MMP26: variants seen among roughly 807,000 people sequenced by gnomAD.
MMP26 encodes matrix metalloproteinase-26.
Under a neutral mutation model 31.0 loss-of-function variants are expected in MMP26, and 33 were observed. That is an observed-to-expected ratio of 1.06 (90% confidence interval 0.81 to 1.42). The LOEUF is 1.42. MMP26 is among the 40% of genes most tolerant of loss of function. The probability of loss-of-function intolerance (pLI) is 0.00; values close to 1 mark genes in which losing one functional copy is unlikely to be tolerated. For synonymous variants in MMP26, 122 were observed against 114.9 expected (o/e 1.06, Z -0.40); for missense variants, 347 against 316.1 (o/e 1.10, Z -0.74).
intron 2 of MMP26, among the ~76,000 whole-genome samples, chr11:4,860,780 AT>A (rs748626710): frequency 8.5e-5 from 13 of 152,132 alleles, no homozygotes; most frequent in South Asian, 2.1e-4. Flanking sequence ...TTCTCTTGGA[AT>A]AAATTTCTTT....
At chr11:4,800,517 TG>T (rs2133451111) in intron 2 of MMP26, among the ~76,000 whole-genome samples, 1 of 152,304 alleles carries the variant, frequency 6.6e-6, no homozygotes, top group South Asian at 2.1e-4. Flanking sequence ...TGTGGTGGGA[TG>T]GACTACCTCA....
In MMP26 at chr11:4,942,089, CAA is replaced by C. The variant is rs201626472; in HGVS notation, c.-144-45959_-144-45958del. On this transcript the variant is annotated intron_variant, in intron 2 of 7. Coordinates refer to ENST00000380390, the MANE Select transcript of MMP26 (RefSeq NM_021801.5). ...TGGGCAGCAGAATGAGAGTCCATCT[CAA>C]AAAAAAAAAAAAAAAAAAAGGAAGT... Among the ~76,000 whole-genome samples the C allele has an allele frequency of 4.6e-4, 17 of 37,130 alleles. 1 individual carries two copies. Among genetic ancestry groups the C allele is most frequent in the Admixed American group, 1.6e-3 (6 of 3,670 alleles). The allele number at this position is 37,130 out of a possible 152,430, so 24.4% of individuals were successfully genotyped here. A position where few individuals can be genotyped will look rare whatever the true frequency, so the allele number is the denominator to read the frequency against.
chr11:4,860,207 T>A, intron 2 of MMP26: 1 of 471,092 alleles, frequency 2.1e-6, no homozygotes, highest in Non-Finnish European at 4.4e-6. Flanking sequence ...TCAAAGGCCA[T>A]GGACACTAGG....
At chr11:4,975,583 TA>T (rs1846726128) in intron 2 of MMP26, among the ~76,000 whole-genome samples, 1 of 152,108 alleles carries the variant, frequency 6.6e-6, no homozygotes, top group South Asian at 2.1e-4. Context: ...TATTTAATGT[TA>T]AAATTGTTAA....
At chr11:4,990,859 T>A in intron 5 of MMP26, 113 bp downstream of exon 5, 1 of 1,194,356 alleles carries the variant, frequency 8.4e-7, no homozygotes, top group Non-Finnish European at 1.2e-6. Flanking sequence ...AGAAAAAAAG[T>A]CTGACAAAAC....
At chr11:4,735,263 G>A (rs910511893) in intron 1 of MMP26, among the ~76,000 whole-genome samples, 25 of 152,208 alleles carry the variant, frequency 1.6e-4, no homozygotes, top group African/African-American at 6.0e-4. Context: ...TTGACTATAT[G>A]CCCTTAGAGC....
chr11:4,852,874 A>G (rs1849995481), intron 2 of MMP26, among the ~76,000 whole-genome samples: 1 of 152,218 alleles, frequency 6.6e-6, no homozygotes, highest in Non-Finnish European at 1.5e-5. Flanking sequence ...TCAGCCTTAA[A>G]AAAGAAAAAC....
chr11:4,739,897 A>AT (rs1358117489), intron 1 of MMP26, among the ~76,000 whole-genome samples: 21 of 152,100 alleles, frequency 1.4e-4, no homozygotes, highest in Admixed American at 1.1e-3. Context: ...GATAATCTCC[A>AT]TTTTTTTATT....
intron 2 of MMP26, chr11:4,804,663 G>T: frequency 2.0e-6 from 1 of 504,210 alleles, no homozygotes; most frequent in Non-Finnish European, 3.9e-6. Context: ...TATTTTTCTT[G>T]ACCAGGTGTG....
intron 2 of MMP26, chr11:4,919,067 A>G (rs555159557): frequency 1.3e-5 from 2 of 152,342 alleles, no homozygotes; most frequent in South Asian, 4.1e-4. Flanking sequence ...TCTGGGCAAG[A>G]AAACAAGGAA....
rs544665751 is a variant in MMP26 at position 4,925,691 on chromosome 11, A to G, written c.-144-62377A>G. On this transcript the variant is annotated intron_variant, in intron 2 of 7. Transcript: ENST00000380390. Reference sequence around the variant, plus strand: ...TCATAATGTTAAAACTAGAAAGGGGACAGAGAATGGAGAATCAGAGAAATA... The same window carrying G: ...TCATAATGTTAAAACTAGAAAGGGGGCAGAGAATGGAGAATCAGAGAAATA... Among the ~76,000 whole-genome samples the G allele has an allele frequency of 2.0e-5, 3 of 152,066 alleles. No homozygotes were observed. The South Asian group carries it at 6.2e-4, about 32-fold the overall frequency.
At chr11:4,797,237 C>A (rs917379581) in intron 2 of MMP26, among the ~76,000 whole-genome samples, 1 of 152,092 alleles carries the variant, frequency 6.6e-6, no homozygotes, top group African/African-American at 2.4e-5. Flanking sequence ...CACATTGAAG[C>A]ATTCAATGAA....
At position 4,810,038 on chromosome 11, in the gene MMP26, T is replaced by G. The variant is rs575837398; in HGVS notation, c.-145+42697T>G. On this transcript the variant is annotated intron_variant, in intron 2 of 7. Coordinates refer to ENST00000380390, the MANE Select transcript of MMP26 (RefSeq NM_021801.5). ...CGTTTCCGACCTTTAAGTATTAGTTTTCTCACTCCCCTGATTTCCAGTGCC... is the reference window on the plus strand; with the variant it reads ...CGTTTCCGACCTTTAAGTATTAGTTGTCTCACTCCCCTGATTTCCAGTGCC... Among the ~76,000 whole-genome samples, 4 of 152,310 alleles carry G rather than the reference T, an allele frequency of 2.6e-5. No individual in the cohort carries two copies. The South Asian group carries it at 8.3e-4, about 32-fold the overall frequency.
At chr11:4,918,245 T>C (rs533974069) in intron 2 of MMP26, among the ~76,000 whole-genome samples, 1 of 152,180 alleles carries the variant, frequency 6.6e-6, no homozygotes, top group East Asian at 2.0e-4. Context: ...TACTGAGAAG[T>C]TGGAAAAATT....
chr11:4,811,297 A>T (rs1410001002), intron 2 of MMP26, among the ~76,000 whole-genome samples: 4 of 152,170 alleles, frequency 2.6e-5, no homozygotes, highest in African/African-American at 9.7e-5. Context: ...CGATTATTTT[A>T]TCACCTAGTT....
At chr11:4,967,792 A>T (rs888833033) in intron 2 of MMP26, among the ~76,000 whole-genome samples, 1 of 152,216 alleles carries the variant, frequency 6.6e-6, no homozygotes, top group Non-Finnish European at 1.5e-5. Flanking sequence ...TTACAAAGAT[A>T]TAAGAATAGT....
chr11:4,850,475 A>G (rs1432814198), intron 2 of MMP26, among the ~76,000 whole-genome samples: 2 of 152,288 alleles, frequency 1.3e-5, no homozygotes, highest in East Asian at 1.9e-4. Context: ...ATATCCAAAT[A>G]TTATTTATAA....
rs766788641 is a variant in MMP26, at chr11:4,951,485, T to C, written c.-144-36583T>C. The stretch of plus-strand genomic sequence containing the variant: ...TTTAGTGATCATTTTTTGTAAATAA[T>C]ATTTTTGTTATTATTGTTTCTCACT... On this transcript the variant is annotated intron_variant, in intron 2 of 7. Coordinates refer to ENST00000380390, the MANE Select transcript of MMP26 (RefSeq NM_021801.5). Among the ~76,000 whole-genome samples the C allele has an allele frequency of 3.2e-5, 4 of 125,022 alleles. 1 individual carries two copies. The highest frequency in any genetic ancestry group is 7.3e-5 in the Non-Finnish European group (4 of 55,102). 82.0% of individuals were successfully genotyped at this position (125,022 alleles called of 152,430 possible).
intron 2 of MMP26, among the ~76,000 whole-genome samples, chr11:4,986,438 C>A (rs928716546): frequency 1.3e-5 from 2 of 150,570 alleles, no homozygotes; most frequent in African/African-American, 4.9e-5. Context: ...GCCAAGACCT[C>A]CCAGGCTCAA....
Sources: allele counts gnomAD v4.1 joint callset (sites outside exome capture counted in the v4.1 genomes callset), GRCh38; gene constraint gnomAD v4.1.1; transcripts MANE v1.5; gene names NCBI Gene and HGNC (gene_info 2026-07-23, HGNC 2026-07-21).